The following SLC22A23 variants were observed in gnomAD, a reference collection of about 807,000 sequenced individuals.
The protein encoded by SLC22A23 is solute carrier family 22 member 23, also known as ion transporter protein.
In SLC22A23, 26 loss-of-function variants were observed where a neutral mutation model predicts 61.0. The observed-to-expected ratio is 0.43, with a 90% CI of 0.31 to 0.59. The LOEUF (loss-of-function observed/expected upper bound fraction) is 0.59. Among genes scored for constraint, SLC22A23 ranks in the 20% least tolerant of loss-of-function variants. The pLI, the probability that SLC22A23 is intolerant of heterozygous loss-of-function variation, is 0.11. For missense variants in SLC22A23, 796 were observed against 934.7 expected (o/e 0.85, Z 1.94); for synonymous variants, 430 against 413.9 (o/e 1.04, Z -0.47).
chr6:3,383,573 C>T lies in SLC22A23; in HGVS notation c.913+26615G>A, dbSNP rs762999515. On this transcript the variant is annotated intron_variant, in intron 3 of 9. Transcript: ENST00000406686. ...GACAGTGGAGAGTGCTACAGGCACA[C>T]GGAGGAGGGGCCTCTGACTCTGATG... is the stretch of plus-strand genomic sequence containing the variant. 3.3e-5 allele frequency among the ~76,000 whole-genome samples: 5 copies of T among 152,168 alleles called. No individual in the cohort carries two copies. In the East Asian group the frequency reaches 5.8e-4, roughly 18 times the overall value.
rs547803783 is a variant in SLC22A23 at position 3,329,750 on chromosome 6, G to A, written c.914-5748C>T. Among the ~76,000 whole-genome samples the A allele has an allele frequency of 6.6e-6, 1 of 152,266 alleles. No homozygotes were observed. Among genetic ancestry groups the A allele is most frequent in the East Asian group, 1.9e-4 (1 of 5,174 alleles). On this transcript the variant is annotated intron_variant, in intron 3 of 9. Coordinates refer to ENST00000406686, the MANE Select transcript of SLC22A23 (RefSeq NM_015482.2). This position sits in a 1 kb window ranked among gnomAD's most constrained non-coding sequence, Gnocchi z 4.8. ...GCACCTGGCTCATACTGAAGCCACG[G>A]AAGGCTTCCTATGTGTCGCTGGCCT...
chr6:3,438,358 G>A (rs572369638), intron 1 of SLC22A23: 8 of 361,330 alleles, frequency 2.2e-5, no homozygotes, highest in East Asian at 7.5e-5. Flanking sequence ...GCAAAGCCAC[G>A]AGGTGCCTGC....
intron 3 of SLC22A23, among the ~76,000 whole-genome samples, chr6:3,392,897 C>G (rs1767758090): frequency 6.6e-6 from 1 of 152,124 alleles, no homozygotes; most frequent in Admixed American, 6.5e-5. Flanking sequence ...TGATATACAC[C>G]TGGGAGTCTC....
At chr6:3,358,357 AAC>A (rs1483661267) in intron 3 of SLC22A23, among the ~76,000 whole-genome samples, 1 of 152,202 alleles carries the variant, frequency 6.6e-6, no homozygotes, top group Admixed American at 6.5e-5. Flanking sequence ...GGACACACGA[AAC>A]ACAGTGAAAA....
intron 1 of SLC22A23, among the ~76,000 whole-genome samples, chr6:3,455,324 T>C (rs79703123): frequency 0.013 from 2,054 of 152,290 alleles, 51 homozygotes; most frequent in African/African-American, 0.047. Flanking sequence ...TATACTGTAG[T>C]GATGTTTACT....
intron 3 of SLC22A23, among the ~76,000 whole-genome samples, chr6:3,355,672 G>T (rs1765027457): frequency 6.6e-6 from 1 of 152,026 alleles, no homozygotes; most frequent in South Asian, 2.1e-4. Context: ...GCCACTTGAT[G>T]CCTGGTCAGT....
intron 2 of SLC22A23, among the ~76,000 whole-genome samples, chr6:3,412,232 C>G (rs117167650): frequency 6.6e-6 from 1 of 152,102 alleles, no homozygotes; most frequent in Admixed American, 6.5e-5. Context: ...TGCTGCCTCC[C>G]GAAAAATGGT....
intron 3 of SLC22A23, among the ~76,000 whole-genome samples, chr6:3,380,851 G>A (rs916410054): frequency 3.3e-5 from 5 of 152,014 alleles, no homozygotes; most frequent in African/African-American, 9.7e-5. Context: ...GCAGGCTGAC[G>A]GAGCAGCTAC....
intron 3 of SLC22A23, among the ~76,000 whole-genome samples, chr6:3,402,421 C>CCAAT (rs1768466932): frequency 6.8e-6 from 1 of 146,280 alleles, no homozygotes; most frequent in Non-Finnish European, 1.5e-5. Flanking sequence ...GATTCCGACC[C>CCAAT]CAATCACCAA....
Position 3,427,626 on chromosome 6 carries a change from T to A in SLC22A23, c.655-11771A>T, listed in dbSNP as rs1293567056. 6.6e-6 allele frequency among the ~76,000 whole-genome samples: 1 copy of A among 151,988 alleles called. No homozygotes were observed. The highest frequency in any genetic ancestry group is 2.4e-5 in the African/African-American group (1 of 41,354). On this transcript the variant is annotated intron_variant, in intron 1 of 9. Transcript: ENST00000406686. This position sits in a 1 kb window ranked among gnomAD's most constrained non-coding sequence, Gnocchi z 4.3. ...CCTCCCACCACCTCTCAGGATGCCG[T>A]GCCCTTCACTTTGACCTCCTCAGCA... is the stretch of plus-strand genomic sequence containing the variant.
intron 5 of SLC22A23, chr6:3,291,273 C>A (rs1419394596): frequency 2.6e-5 from 4 of 152,172 alleles, no homozygotes; most frequent in Admixed American, 2.6e-4. Context: ...CAAGTTCAAC[C>A]CTCCTCTTCC....
At chr6:3,402,598 C>G (rs1462376348) in intron 3 of SLC22A23, among the ~76,000 whole-genome samples, 1 of 152,060 alleles carries the variant, frequency 6.6e-6, no homozygotes, top group Non-Finnish European at 1.5e-5. Flanking sequence ...CCAGCCAACC[C>G]CAATCACCTA....
chr6:3,348,921 G>A (rs1053058888), intron 3 of SLC22A23, among the ~76,000 whole-genome samples: 6 of 152,236 alleles, frequency 3.9e-5, no homozygotes, highest in Admixed American at 2.6e-4. Flanking sequence ...AACTGGTACT[G>A]TCTTCCCTTC....
chr6:3,338,589 C>T (rs1169745772), intron 3 of SLC22A23, among the ~76,000 whole-genome samples: 6 of 152,348 alleles, frequency 3.9e-5, no homozygotes, highest in Non-Finnish European at 7.3e-5. Context: ...GGATTACAGG[C>T]GTGAGCCACT....
intron 1 of SLC22A23, among the ~76,000 whole-genome samples, chr6:3,425,313 G>A (rs1485821142): frequency 4.4e-5 from 6 of 137,916 alleles, no homozygotes; most frequent in Non-Finnish European, 9.2e-5. Flanking sequence ...TTGAGATGGA[G>A]TCTCACTGTT....
At chr6:3,385,860 C>T (rs1767266940) in intron 3 of SLC22A23, among the ~76,000 whole-genome samples, 1 of 152,222 alleles carries the variant, frequency 6.6e-6, no homozygotes, top group Non-Finnish European at 1.5e-5. Context: ...GTTACCAGGA[C>T]AGAGAGACGT....
intron 5 of SLC22A23, among the ~76,000 whole-genome samples, chr6:3,296,907 G>A (rs775936854): frequency 6.6e-6 from 1 of 152,156 alleles, no homozygotes; most frequent in Non-Finnish European, 1.5e-5. Flanking sequence ...CTCTGATTTG[G>A]GGTTCCCGTG....
chr6:3,421,992 T>G (rs1275067984), intron 1 of SLC22A23, among the ~76,000 whole-genome samples: 1 of 152,210 alleles, frequency 6.6e-6, no homozygotes, highest in African/African-American at 2.4e-5. Flanking sequence ...TTTCATCTTT[T>G]GTAGTGGAGA....
At position 3,454,850 on chromosome 6, in the gene SLC22A23, G is replaced by A. The variant is rs185983104; in HGVS notation, c.654+1056C>T. On this transcript the variant is annotated intron_variant, in intron 1 of 9. Coordinates refer to ENST00000406686, the MANE Select transcript of SLC22A23 (RefSeq NM_015482.2). The surrounding 1 kb of genome is among the most constrained non-coding windows in gnomAD (Gnocchi z 4.3). Reference sequence around the variant, plus strand: ...TAACCAATGCACACGGGGGGAGGAGGTTACATGCACATTGACTATTTAAAA... The same window carrying A: ...TAACCAATGCACACGGGGGGAGGAGATTACATGCACATTGACTATTTAAAA... Among the ~76,000 whole-genome samples, 1 of 152,184 alleles carries A rather than the reference G, an allele frequency of 6.6e-6. No individual in the cohort carries two copies. The highest frequency in any genetic ancestry group is 2.4e-5 in the African/African-American group (1 of 41,448).
Sources: allele counts gnomAD v4.1 joint callset (sites outside exome capture counted in the v4.1 genomes callset), GRCh38; gene constraint gnomAD v4.1.1; non-coding constraint Gnocchi (gnomAD v3.1); transcripts MANE v1.5; gene names NCBI Gene and HGNC (gene_info 2026-07-23, HGNC 2026-07-21).